ABHD1: variants seen among roughly 807,000 people sequenced by gnomAD.
ABHD1 encodes the protein protein ABHD1.
ABHD1 carries 47 observed loss-of-function variants against 41.4 expected under a neutral mutation model. That is an observed-to-expected ratio of 1.13 (90% CI 0.90 to 1.45). The LOEUF (loss-of-function observed/expected upper bound fraction) is 1.45, where lower values mean the gene tolerates loss of function less well. Ranked by LOEUF, ABHD1 falls within the 40% of genes most tolerant of loss-of-function variation. The pLI is 0.00. For synonymous variants in ABHD1, 205 were observed against 203.7 expected (o/e 1.01, Z -0.05); for missense variants, 550 against 503.4 (o/e 1.09, Z -0.89).
At chr2:27,130,073 G>T (rs768532603) in intron 6 of ABHD1, 32 bp from the exon 7 acceptor site, 1 of 1,613,994 alleles carries the variant, frequency 6.2e-7, no homozygotes, top group Non-Finnish European at 8.5e-7. Flanking sequence ...TCAGATCCAG[G>T]TGTCAAGCCA....
At chr2:27,127,419 T>C (rs1302051754) in intron 1 of ABHD1, among the ~76,000 whole-genome samples, 1 of 146,418 alleles carries the variant, frequency 6.8e-6, no homozygotes, top group Non-Finnish European at 1.5e-5. Flanking sequence ...CCAGGCGTGG[T>C]GGCGGGCGCC....
chr2:27,124,005 G>A lies in ABHD1; in HGVS notation c.57G>A (p.Leu19=), dbSNP rs766390056. 3 of 1,614,266 alleles carry A rather than the reference G, an allele frequency of 1.9e-6. No individual in the cohort carries two copies. The highest frequency in any genetic ancestry group is 2.5e-6 in the Non-Finnish European group (3 of 1,180,052). Residue 19 remains leucine (L), a synonymous_variant, in exon 1 of 9, where the codon CTG becomes CTA. Coordinates refer to ENST00000316470, the MANE Select transcript of ABHD1 (RefSeq NM_032604.4). ...GCACCTGGGCAGACACCTTCTCTCT[G>A]CTCTTGGCTCTTGCCGTTGCCCTCT... ...QNGTWADTFS[L]LLALAVALYL... is the part of the protein sequence containing the mutation.
At chr2:27,128,916 T>C (rs1459666212) in intron 2 of ABHD1, 29 bp from the exon 3 acceptor site, 3 of 1,606,116 alleles carry the variant, frequency 1.9e-6, no homozygotes, top group Admixed American at 1.7e-5. Context: ...CTTAATAGTA[T>C]CTTTGTGTGC....
At chr2:27,130,185 C>G in intron 7 of ABHD1, 32 bp downstream of exon 7, 2 of 1,614,158 alleles carry the variant, frequency 1.2e-6, no homozygotes, top group Admixed American at 3.3e-5. Flanking sequence ...CTGGTTCCCC[C>G]AAATGAGTCT....
In ABHD1 at chr2:27,130,748, G is replaced by A. The variant is rs755496103; in HGVS notation, c.*4G>A. 1 of 1,613,498 alleles carries A rather than the reference G, an allele frequency of 6.2e-7. No homozygotes were observed. ...TTCTGAGGACAGAAACAGCTGACAA[G>A]AGTACCATTTGGGGTCTCAGTTCAC... On this transcript the variant is annotated 3_prime_UTR_variant, in exon 9 of 9. Coordinates refer to ENST00000316470, the MANE Select transcript of ABHD1 (RefSeq NM_032604.4).
chr2:27,127,161 A>C (rs1671992299), intron 1 of ABHD1, among the ~76,000 whole-genome samples: 1 of 150,636 alleles, frequency 6.6e-6, no homozygotes, highest in South Asian at 2.1e-4. Context: ...ATAGGAATAT[A>C]CAGATGAAGT....
chr2:27,124,264 A>G (rs1259907488), intron 1 of ABHD1: 1 of 677,102 alleles, frequency 1.5e-6, no homozygotes, highest in East Asian at 2.9e-5. Context: ...CCTTTTGGGT[A>G]CCGGAGGGTG....
intron 1 of ABHD1, 51 bp from the exon 2 acceptor site, chr2:27,128,390 T>C (rs772764900): frequency 6.2e-7 from 1 of 1,611,264 alleles, no homozygotes; most frequent in South Asian, 1.1e-5. Flanking sequence ...GGTGCCTCAC[T>C]AGCTTGGTGC....
At chr2:27,125,710 GC>G (rs1199716723) in intron 1 of ABHD1, 2 of 152,010 alleles carry the variant, frequency 1.3e-5, no homozygotes, top group Non-Finnish European at 2.9e-5. Context: ...GACCCGCCTG[GC>G]CAACATGGTG....
intron 6 of ABHD1, 64 bp from the exon 7 acceptor site, chr2:27,130,041 G>C: frequency 6.2e-7 from 1 of 1,611,976 alleles, no homozygotes; most frequent in Non-Finnish European, 8.5e-7. Context: ...GAGATAGTAA[G>C]ACAGGGCCTG....
At position 27,129,138 on chromosome 2, in the gene ABHD1, G is replaced by A. The variant is rs1415671566; in HGVS notation, c.458+11G>A. ...GAGGGATGGCTACCAGTAAGGATGGGTGCAGCCCCAGAGTGGGGTGGCATC... is the reference window on the plus strand; with the variant it reads ...GAGGGATGGCTACCAGTAAGGATGGATGCAGCCCCAGAGTGGGGTGGCATC... On this transcript the variant is annotated intron_variant, in intron 3 of 8. Transcript: ENST00000316470. 1.9e-6 allele frequency: 3 copies of A among 1,609,962 alleles called. No individual in the cohort carries two copies. The South Asian group carries it at 3.3e-5, about 18-fold the overall frequency.
At chr2:27,130,478 G>A (rs1672191893) in intron 8 of ABHD1, 55 bp from the exon 9 acceptor site, 4 of 1,611,832 alleles carry the variant, frequency 2.5e-6, no homozygotes, top group Middle Eastern at 1.7e-4. Flanking sequence ...GGACGCAACA[G>A]ACAGCCTGGG....
rs1558475471 is a variant in ABHD1, at chr2:27,129,623, G to A, written c.614G>A (p.Gly205Glu). The change falls in exon 5 of 9, where the codon GGA (glycine) becomes GAA (glutamate). Residue 205 changes from glycine (G) to glutamate (E), a missense_variant. Transcript: ENST00000316470. ...APLLAVGISF[G>E]GILVLNHLAQ... ...CTGCTGGCCGTGGGCATCTCTTTTG[G>A]AGGGTAAAGATTGCCTGGGCTTAGC... 6.2e-7 allele frequency: 1 copy of A among 1,612,504 alleles called. No individual in the cohort carries two copies. The highest frequency in any genetic ancestry group is 8.5e-7 in the Non-Finnish European group (1 of 1,180,004).
chr2:27,130,209 T>C, intron 7 of ABHD1, 42 bp from the exon 8 acceptor site: 1 of 1,614,196 alleles, frequency 6.2e-7, no homozygotes, highest in African/African-American at 1.3e-5. Context: ...ACTATCTTCC[T>C]ATTCTTTATC....
intron 1 of ABHD1, among the ~76,000 whole-genome samples, chr2:27,127,812 G>A (rs1052274181): frequency 2.6e-5 from 4 of 151,748 alleles, no homozygotes; most frequent in African/African-American, 9.7e-5. Context: ...CACCCACCTC[G>A]GCCTCCCAAA....
chr2:27,130,713 C>G lies in ABHD1; in HGVS notation c.1187C>G (p.Ala396Gly). The G allele has an allele frequency of 1.9e-6, 3 of 1,614,186 alleles. No individual in the cohort carries two copies. The highest frequency in any genetic ancestry group is 2.5e-6 in the Non-Finnish European group (3 of 1,180,020). Residue 396 changes from alanine (A) to glycine (G), a missense_variant, in exon 9 of 9, where the codon GCT becomes GGT. Transcript: ENST00000316470. The stretch of plus-strand genomic sequence containing the variant: ...CCAGAGGGGCTGCCTGACCTCAGGG[C>G]TCTCTTACCTTCTGAGGACAGAAAC... The part of the protein sequence containing the change: ...QDPEGLPDLR[A>G]LLPSEDRNS
In ABHD1 at chr2:27,129,335, C is replaced by G. The variant is rs769974946; in HGVS notation, c.478C>G (p.Arg160Gly). 4 of 1,614,146 alleles carry G rather than the reference C, an allele frequency of 2.5e-6. No individual in the cohort carries two copies. The highest frequency in any genetic ancestry group is 2.5e-6 in the Non-Finnish European group (3 of 1,180,012). Reference protein sequence around the residue: ...DGYQAVVFNNRGCRGEELRTH... With the variant: ...DGYQAVVFNNGGCRGEELRTH... ...CCACAGGGCTGTCGTGTTTAACAAC[C>G]GGGGCTGCCGTGGGGAGGAACTGCG... Residue 160 changes from arginine (R) to glycine (G), a missense_variant, in exon 4 of 9, where the codon CGG (arginine) becomes GGG (glycine). Coordinates refer to ENST00000316470, the MANE Select transcript of ABHD1 (RefSeq NM_032604.4).
intron 6 of ABHD1, 30 bp from the exon 7 acceptor site, chr2:27,130,075 G>A (rs776645901): frequency 2.0e-5 from 33 of 1,614,140 alleles, no homozygotes; most frequent in East Asian, 1.1e-4. Context: ...AGATCCAGGT[G>A]TCAAGCCAAA....
chr2:27,129,055 C>T lies in ABHD1; in HGVS notation c.386C>T (p.Pro129Leu). The change falls in exon 3 of 9, where the codon CCT (proline) becomes CTT (leucine). Residue 129 changes from proline to leucine, a missense_variant. Pro to Leu is a moderately conservative substitution (Grantham distance 98, BLOSUM62 -3). Coordinates refer to ENST00000316470, the MANE Select transcript of ABHD1 (RefSeq NM_032604.4). ...PTTQPIVLLLPGITGSSQETY... is the reference protein window; with the variant it reads ...PTTQPIVLLLLGITGSSQETY... ...ACCCAGCCCATTGTGCTGCTGCTTC[C>T]TGGCATCACTGGCAGTAGCCAGGAG... The T allele has an allele frequency of 6.2e-7, 1 of 1,614,154 alleles. No individual in the cohort carries two copies. Among genetic ancestry groups the T allele is most frequent in the Non-Finnish European group, 8.5e-7 (1 of 1,180,028 alleles).
Sources: allele counts gnomAD v4.1 joint callset (sites outside exome capture counted in the v4.1 genomes callset), GRCh38; gene constraint gnomAD v4.1.1; transcripts MANE v1.5; gene names NCBI Gene and HGNC (gene_info 2026-07-23, HGNC 2026-07-21).